Variants in DNAJC5B observed in about 807,000 individuals in gnomAD.
DNAJC5B encodes dnaJ homolog subfamily C member 5B.
In DNAJC5B, 23 loss-of-function variants were observed where a neutral mutation model predicts 24.7. The observed-to-expected ratio is 0.93, with a 90% CI of 0.67 to 1.32. DNAJC5B has a LOEUF of 1.32. DNAJC5B is among the 40% of genes most tolerant of loss of function. DNAJC5B has a pLI of 0.00. For synonymous variants in DNAJC5B, 101 were observed against 90.1 expected (o/e 1.12, Z -0.68); for missense variants, 238 against 240.8 (o/e 0.99, Z 0.08).
chr8:66,100,523 G>A lies in DNAJC5B; in HGVS notation c.*492G>A, dbSNP rs1808052884. Reference sequence around the variant, plus strand: ...AGTTATAGAAATGTTTCAAGAGCCAGAAAGGGATGATTTTTTTTTAAATCA... The same window carrying A: ...AGTTATAGAAATGTTTCAAGAGCCAAAAAGGGATGATTTTTTTTTAAATCA... On this transcript the variant is annotated 3_prime_UTR_variant, in exon 6 of 6. Coordinates refer to ENST00000276570, the MANE Select transcript of DNAJC5B (RefSeq NM_033105.6). 2.0e-5 allele frequency: 3 copies of A among 152,194 alleles called. No individual in the cohort carries two copies. In the South Asian group the frequency reaches 6.2e-4, roughly 31 times the overall value. 9.4% of individuals were successfully genotyped at this position (152,194 alleles called of 1,614,324 possible).
intron 3 of DNAJC5B, among the ~76,000 whole-genome samples, chr8:66,067,571 C>A (rs2128962311): frequency 6.6e-6 from 1 of 152,102 alleles, no homozygotes; most frequent in Middle Eastern, 3.4e-3. Flanking sequence ...TGATGCTGTG[C>A]CTAAATATTA....
intron 1 of DNAJC5B, among the ~76,000 whole-genome samples, chr8:66,038,878 T>A (rs1208150227): frequency 6.6e-6 from 1 of 152,224 alleles, no homozygotes; most frequent in Non-Finnish European, 1.5e-5. Flanking sequence ...ACATGTGAAA[T>A]ACATATTATG....
intron 2 of DNAJC5B, among the ~76,000 whole-genome samples, chr8:66,048,502 T>A (rs1173146701): frequency 6.6e-6 from 1 of 152,114 alleles, no homozygotes; most frequent in Non-Finnish European, 1.5e-5. Context: ...AGTCTCTAAG[T>A]TCTCCCCCAG....
chr8:66,098,134 G>A (rs376626743), intron 5 of DNAJC5B, among the ~76,000 whole-genome samples: 2 of 152,220 alleles, frequency 1.3e-5, no homozygotes, highest in African/African-American at 2.4e-5. Flanking sequence ...GATTACAGGC[G>A]TGAGCCACTG....
chr8:66,020,594 C>CTG (rs10526018), upstream of DNAJC5B, among the ~76,000 whole-genome samples: 2,014 of 132,358 alleles, frequency 0.015, 30 homozygotes, highest in East Asian at 0.017. Context: ...AATCAATACT[C>CTG]TGTGTGTGTG....
chr8:66,069,307 G>GT (rs1464713725), intron 3 of DNAJC5B, among the ~76,000 whole-genome samples: 2 of 151,870 alleles, frequency 1.3e-5, no homozygotes, highest in African/African-American at 4.8e-5. Flanking sequence ...ACATCATATG[G>GT]TTTTTACAAA....
chr8:66,051,545 A>G lies in DNAJC5B; in HGVS notation c.-3A>G. ...CTCCCCTTTAGTTTTGCAGCCTTAG[A>G]AAATGGCATGTAACATACCTAACCA... On this transcript the variant is annotated 5_prime_UTR_variant, in exon 3 of 6. Coordinates refer to ENST00000276570, the MANE Select transcript of DNAJC5B (RefSeq NM_033105.6). 6.2e-7 allele frequency: 1 copy of G among 1,609,506 alleles called. No homozygotes were observed. The highest frequency in any genetic ancestry group is 8.5e-7 in the Non-Finnish European group (1 of 1,177,594).
At chr8:66,078,727 C>T (rs139132415) in intron 4 of DNAJC5B, among the ~76,000 whole-genome samples, 15 of 152,096 alleles carry the variant, frequency 9.9e-5, no homozygotes, top group East Asian at 3.9e-4. Flanking sequence ...CCTAAGACTA[C>T]GAAAATGTAA....
At chr8:66,046,869 G>A (rs138687756) in intron 2 of DNAJC5B, among the ~76,000 whole-genome samples, 5 of 152,376 alleles carry the variant, frequency 3.3e-5, no homozygotes, top group East Asian at 3.9e-4. Flanking sequence ...CTGCAGCCAC[G>A]TTCTCCGGAT....
chr8:66,053,568 T>C (rs1806897976), intron 3 of DNAJC5B, among the ~76,000 whole-genome samples: 1 of 152,196 alleles, frequency 6.6e-6, no homozygotes, highest in African/African-American at 2.4e-5. Flanking sequence ...TTCTAGTCTT[T>C]TTTTTTCTAT....
At chr8:66,022,312 T>G (rs1277806515) in intron 1 of DNAJC5B, among the ~76,000 whole-genome samples, 1 of 152,076 alleles carries the variant, frequency 6.6e-6, no homozygotes, top group Non-Finnish European at 1.5e-5. Context: ...CTTCCTGGAG[T>G]CTTGGGGCCC....
chr8:66,039,412 G>C (rs969338444), intron 1 of DNAJC5B, among the ~76,000 whole-genome samples: 1 of 148,544 alleles, frequency 6.7e-6, no homozygotes, highest in East Asian at 2.0e-4. Flanking sequence ...GCAATGGTGC[G>C]ACCTTGCCTC....
At chr8:66,085,683 T>A (rs1384881827) in intron 5 of DNAJC5B, among the ~76,000 whole-genome samples, 1 of 152,142 alleles carries the variant, frequency 6.6e-6, no homozygotes, top group Non-Finnish European at 1.5e-5. Flanking sequence ...TTCCACACTG[T>A]CTTGCTCTCT....
intron 5 of DNAJC5B, among the ~76,000 whole-genome samples, chr8:66,090,467 C>CA (rs1030534398): frequency 6.6e-6 from 1 of 151,622 alleles, no homozygotes; most frequent in African/African-American, 2.4e-5. Context: ...AACAAACAAA[C>CA]AAAAAAACTG....
At chr8:66,082,321 TCTAGGATTGAAC>T (rs1333167805) in intron 5 of DNAJC5B, among the ~76,000 whole-genome samples, 1 of 152,022 alleles carries the variant, frequency 6.6e-6, no homozygotes, top group African/African-American at 2.4e-5. Flanking sequence ...CTAGGTTCAA[TCTAGGATTGAAC>T]CTAGATATCC....
chr8:66,093,043 T>C (rs1191461266), intron 5 of DNAJC5B, among the ~76,000 whole-genome samples: 1 of 152,168 alleles, frequency 6.6e-6, no homozygotes, highest in African/African-American at 2.4e-5. Flanking sequence ...TTCAGCGTTG[T>C]CCTTCTGAGA....
Position 66,079,496 on chromosome 8 carries a change from C to G in DNAJC5B, c.334-881C>G, listed in dbSNP as rs536787652. Among the ~76,000 whole-genome samples, 162 of 152,254 alleles carry G rather than the reference C, an allele frequency of 1.1e-3. 2 individuals carry two copies. The South Asian group carries it at 0.033, about 31-fold the overall frequency. On this transcript the variant is annotated intron_variant, in intron 4 of 5. Coordinates refer to ENST00000276570, the MANE Select transcript of DNAJC5B (RefSeq NM_033105.6). Reference sequence around the variant, plus strand: ...GAAGGGATCTTTAAGATGAGTCTTACACACCAGGTGGATATTTTGTTAGGT... The same window carrying G: ...GAAGGGATCTTTAAGATGAGTCTTAGACACCAGGTGGATATTTTGTTAGGT...
chr8:66,100,346 C>A lies in DNAJC5B; in HGVS notation c.*315C>A, dbSNP rs566940044. 3.5e-5 allele frequency: 7 copies of A among 198,390 alleles called. No homozygotes were observed. In the East Asian group the frequency reaches 5.7e-4, roughly 16 times the overall value. 12.3% of individuals were successfully genotyped at this position (198,390 alleles called of 1,614,324 possible). ...CCCTTTATGTGTGGCAGATCTGATT[C>A]CTAACTGACCAAAGTAATATTCCAG... On this transcript the variant is annotated 3_prime_UTR_variant, in exon 6 of 6. Coordinates refer to ENST00000276570, the MANE Select transcript of DNAJC5B (RefSeq NM_033105.6).
intron 5 of DNAJC5B, among the ~76,000 whole-genome samples, chr8:66,090,359 G>C (rs78356270): frequency 0.049 from 7,503 of 151,802 alleles, 230 homozygotes; most frequent in Middle Eastern, 0.085. Flanking sequence ...CCCTGGCAAA[G>C]CAAACCCAAA....
Sources: gnomAD v4.1 joint callset for allele counts (sites outside exome capture counted in the v4.1 genomes callset) on GRCh38, gnomAD v4.1.1 for gene constraint, MANE v1.5 for transcripts, NCBI Gene and HGNC (gene_info 2026-07-23, HGNC 2026-07-21) for gene names.